NELL1: variants seen among roughly 807,000 people sequenced by gnomAD.
NELL1 encodes the protein protein kinase C-binding protein NELL1.
Under a neutral mutation model 107.4 loss-of-function variants are expected in NELL1, and 76 were observed. That is an observed-to-expected ratio of 0.71 (90% CI 0.59 to 0.86). NELL1 has a LOEUF of 0.86. NELL1 is among the 40% of genes least tolerant of loss of function. The pLI, the probability that NELL1 is intolerant of heterozygous loss-of-function variation, is 0.00. For synonymous variants in NELL1, 353 were observed against 341.2 expected, an observed-to-expected ratio of 1.03 and a Z score of -0.38; for missense variants, 1,024 against 1,005.5, an observed-to-expected ratio of 1.02 and a Z score of -0.25.
chr11:21,272,290 G>A (rs1195907916), intron 14 of NELL1, among the ~76,000 whole-genome samples: 1 of 152,220 alleles, frequency 6.6e-6, no homozygotes, highest in Admixed American at 6.5e-5. Context: ...TACGCCCATG[G>A]AGTCTCACTC....
At chr11:20,973,264 A>ACCCCT (rs1851537889) in intron 12 of NELL1, among the ~76,000 whole-genome samples, 1 of 150,834 alleles carries the variant, frequency 6.6e-6, no homozygotes, top group African/African-American at 2.4e-5. Flanking sequence ...ATGCACCACC[A>ACCCCT]CCCCTGGCTA....
intron 5 of NELL1, among the ~76,000 whole-genome samples, chr11:20,887,542 G>A (rs917951013): frequency 1.3e-5 from 2 of 152,236 alleles, no homozygotes; most frequent in Middle Eastern, 3.4e-3. Context: ...GATCCCATGC[G>A]TGACTGAGTG....
At position 21,036,621 on chromosome 11, in the gene NELL1, T is replaced by G. The variant is rs1168097945; in HGVS notation, c.1300+76061T>G. On this transcript the variant is annotated intron_variant, in intron 12 of 19. Transcript: ENST00000357134. Reference sequence around the variant, plus strand: ...TCTCTCAATCCTGATTTCCACACTTTCCATTTTCCTCTGCTGCACTCTTGG... The same window carrying G: ...TCTCTCAATCCTGATTTCCACACTTGCCATTTTCCTCTGCTGCACTCTTGG... 2.0e-5 allele frequency among the ~76,000 whole-genome samples: 3 copies of G among 152,112 alleles called. No individual in the cohort carries two copies. The East Asian group carries it at 5.8e-4, about 29-fold the overall frequency.
intron 5 of NELL1, among the ~76,000 whole-genome samples, chr11:20,915,717 A>ATATATATATATATATTTTTTT: frequency 1.0e-3 from 58 of 58,206 alleles, no homozygotes; most frequent in African/African-American, 3.9e-3. Context: ...ATATATATAT[A>ATATATATATATATATTTTTTT]TTTTTTTTTT....
chr11:21,017,340 T>G (rs1031043567), intron 12 of NELL1, among the ~76,000 whole-genome samples: 5 of 152,120 alleles, frequency 3.3e-5, no homozygotes, highest in African/African-American at 9.6e-5. Flanking sequence ...TGGAGATTCT[T>G]AAAACTTTTA....
chr11:21,440,141 T>G (rs2133844556), intron 15 of NELL1, among the ~76,000 whole-genome samples: 1 of 152,118 alleles, frequency 6.6e-6, no homozygotes, highest in Middle Eastern at 3.4e-3. Flanking sequence ...AATCACAATC[T>G]TAGGCAACTG....
At chr11:21,423,901 G>A (rs2133825325) in intron 15 of NELL1, among the ~76,000 whole-genome samples, 1 of 152,260 alleles carries the variant, frequency 6.6e-6, no homozygotes, top group Non-Finnish European at 1.5e-5. Flanking sequence ...AAATCACAAG[G>A]GAGATTAGAA....
intron 7 of NELL1, among the ~76,000 whole-genome samples, chr11:20,920,919 G>A (rs1343555670): frequency 6.6e-6 from 1 of 151,898 alleles, no homozygotes; most frequent in Non-Finnish European, 1.5e-5. Context: ...CCTCCCTTTG[G>A]CACTTTGGCA....
At chr11:21,385,878 C>G (rs1049431007) in intron 15 of NELL1, among the ~76,000 whole-genome samples, 4 of 151,792 alleles carry the variant, frequency 2.6e-5, no homozygotes, top group Admixed American at 2.6e-4. Context: ...CATGGTATTG[C>G]TCTAGCTGGA....
At chr11:20,749,342 G>A (rs546444230) in intron 2 of NELL1, among the ~76,000 whole-genome samples, 5 of 152,116 alleles carry the variant, frequency 3.3e-5, no homozygotes, top group Non-Finnish European at 7.4e-5. Context: ...TCTCACGTCT[G>A]TAATCCCAGC....
At chr11:20,676,894 GTAGA>G (rs1854072389) in intron 1 of NELL1, among the ~76,000 whole-genome samples, 1 of 152,206 alleles carries the variant, frequency 6.6e-6, no homozygotes, top group Non-Finnish European at 1.5e-5. Context: ...GATGGTATGT[GTAGA>G]TAGACACAGC....
chr11:21,406,346 A>G (rs907582126), intron 15 of NELL1, among the ~76,000 whole-genome samples: 1 of 151,894 alleles, frequency 6.6e-6, no homozygotes, highest in African/African-American at 2.4e-5. Context: ...GTGGTATTTT[A>G]TTCTTTACAA....
At chr11:21,491,259 T>A (rs1358148169) in intron 15 of NELL1, among the ~76,000 whole-genome samples, 2 of 152,206 alleles carry the variant, frequency 1.3e-5, no homozygotes, top group Non-Finnish European at 2.9e-5. Flanking sequence ...GTTTTAGACA[T>A]GAAGTCCTTG....
intron 15 of NELL1, among the ~76,000 whole-genome samples, chr11:21,512,988 G>C (rs890162409): frequency 1.3e-5 from 2 of 152,110 alleles, no homozygotes; most frequent in African/African-American, 4.8e-5. Context: ...TTAAAGAGTG[G>C]GGTTAATGGC....
chr11:20,979,399 A>T (rs1369204354), intron 12 of NELL1, among the ~76,000 whole-genome samples: 2 of 152,060 alleles, frequency 1.3e-5, no homozygotes, highest in Non-Finnish European at 2.9e-5. Context: ...TGTGTGTTTT[A>T]TGTTAGAATA....
At chr11:21,019,419 A>G (rs1359380635) in intron 12 of NELL1, among the ~76,000 whole-genome samples, 1 of 152,100 alleles carries the variant, frequency 6.6e-6, no homozygotes, top group East Asian at 1.9e-4. Context: ...TTCCAGGCAC[A>G]GTATGGTATA....
intron 12 of NELL1, among the ~76,000 whole-genome samples, chr11:20,961,547 A>T (rs1162526237): frequency 6.6e-6 from 1 of 152,198 alleles, no homozygotes; most frequent in African/African-American, 2.4e-5. Flanking sequence ...CAGATAGGTC[A>T]GGTATTCTAA....
intron 12 of NELL1, among the ~76,000 whole-genome samples, chr11:20,977,758 G>A (rs1401722811): frequency 6.6e-6 from 1 of 152,166 alleles, no homozygotes; most frequent in East Asian, 1.9e-4. Context: ...CTGGCACATA[G>A]CAGCTACTTG....
At chr11:20,840,097 T>C (rs1473866759) in intron 3 of NELL1, among the ~76,000 whole-genome samples, 2 of 152,228 alleles carry the variant, frequency 1.3e-5, no homozygotes, top group Non-Finnish European at 2.9e-5. Flanking sequence ...TTTTAAAACA[T>C]ATAATGGTTT....
Sources: gnomAD v4.1 joint callset for allele counts (sites outside exome capture counted in the v4.1 genomes callset) on GRCh38, gnomAD v4.1.1 for gene constraint, MANE v1.5 for transcripts, NCBI Gene and HGNC (gene_info 2026-07-23, HGNC 2026-07-21) for gene names.